The following OBI1 variants were observed in gnomAD, a reference collection of about 807,000 sequenced individuals.
OBI1 encodes ORC ubiquitin ligase 1.
In OBI1, 59 loss-of-function variants were observed where a neutral mutation model predicts 62.4. The ratio of observed to expected loss-of-function variants is 0.95; its 90% confidence interval spans 0.77 to 1.17. OBI1 has a LOEUF of 1.17. OBI1 is among the 50% of genes most tolerant of loss of function. OBI1 has a pLI of 0.00. For synonymous variants in OBI1, 302 were observed against 292.8 expected (o/e 1.03, Z -0.32); for missense variants, 875 against 830.9 (o/e 1.05, Z -0.65).
At chr13:78,620,632 C>T (rs1373035523) in intron 5 of OBI1, 1 of 456,546 alleles carries the variant, frequency 2.2e-6, no homozygotes, top group South Asian at 1.5e-5. Context: ...GAAAAGGATG[C>T]CAGTTCCCCT....
At chr13:78,629,158 A>G (rs989619252) in intron 5 of OBI1, among the ~76,000 whole-genome samples, 7 of 152,164 alleles carry the variant, frequency 4.6e-5, no homozygotes, top group Middle Eastern at 6.8e-3. Flanking sequence ...TCCTCCCCCA[A>G]AAGGAGCTGA....
chr13:78,624,874 T>C (rs936817030), intron 5 of OBI1, among the ~76,000 whole-genome samples: 1 of 152,188 alleles, frequency 6.6e-6, no homozygotes, highest in Non-Finnish European at 1.5e-5. Flanking sequence ...AAACTGCAAC[T>C]AGTTAGCCTC....
In OBI1 at chr13:78,646,581, A is replaced by G. The variant is rs1306664998; in HGVS notation, c.73-1584T>C. On this transcript the variant is annotated intron_variant, in intron 1 of 5. Transcript: ENST00000282003. ...TTTCAATATTTCCCTAATAGTAATT[A>G]CAGTATAGAACCCTTCTGCACTAGG... 2.0e-5 allele frequency among the ~76,000 whole-genome samples: 3 copies of G among 152,216 alleles called. No homozygotes were observed. The East Asian group carries it at 5.8e-4, about 29-fold the overall frequency.
intron 3 of OBI1, among the ~76,000 whole-genome samples, chr13:78,640,443 A>AT (rs1876178723): frequency 6.6e-6 from 1 of 152,090 alleles, no homozygotes; most frequent in South Asian, 2.1e-4. Flanking sequence ...ATATATATTT[A>AT]TTTTTTTAAT....
intron 2 of OBI1, among the ~76,000 whole-genome samples, chr13:78,643,259 C>A (rs1377641547): frequency 6.6e-6 from 1 of 152,054 alleles, no homozygotes; most frequent in Non-Finnish European, 1.5e-5. Flanking sequence ...ATATTCAAAT[C>A]ATCAAAGCTC....
chr13:78,631,206 G>A (rs1229783057), intron 5 of OBI1, among the ~76,000 whole-genome samples: 6 of 152,010 alleles, frequency 3.9e-5, no homozygotes, highest in Non-Finnish European at 7.4e-5. Flanking sequence ...GAGCAGCATG[G>A]GAGCCAGAAT....
intron 2 of OBI1, among the ~76,000 whole-genome samples, chr13:78,643,743 G>A (rs1876291536): frequency 6.6e-6 from 1 of 151,758 alleles, no homozygotes; most frequent in Admixed American, 6.6e-5. Context: ...AGCCGAGAAC[G>A]CGCCACTGCA....
chr13:78,638,753 G>C, intron 4 of OBI1, 70 bp downstream of exon 4: 1 of 1,334,008 alleles, frequency 7.5e-7, no homozygotes, highest in Non-Finnish European at 1.0e-6. Context: ...AAGATAATAT[G>C]GCTATTTATG....
intron 4 of OBI1, 50 bp downstream of exon 4, chr13:78,638,773 G>T (rs759832402): frequency 2.0e-6 from 3 of 1,502,524 alleles, no homozygotes; most frequent in Non-Finnish European, 2.7e-6. Flanking sequence ...GCTTTTGAAG[G>T]TACTTATTTT....
intron 3 of OBI1, among the ~76,000 whole-genome samples, chr13:78,641,235 C>G (rs992580232): frequency 2.0e-5 from 3 of 152,104 alleles, no homozygotes; most frequent in African/African-American, 7.2e-5. Flanking sequence ...TTAAATGTCA[C>G]ACAGATAGTA....
intron 2 of OBI1, among the ~76,000 whole-genome samples, chr13:78,642,666 C>T (rs188593440): frequency 1.4e-3 from 208 of 152,290 alleles, no homozygotes; most frequent in Non-Finnish European, 2.3e-3. Flanking sequence ...GGGCGGATCA[C>T]GAGGCCAGGA....
Position 78,615,969 on chromosome 13 carries a change from T to C in OBI1, c.1792A>G (p.Asn598Asp), listed in dbSNP as rs1472175135. 1 of 1,613,794 alleles carries C rather than the reference T, an allele frequency of 6.2e-7. No individual in the cohort carries two copies. Among genetic ancestry groups the C allele is most frequent in the South Asian group, 1.1e-5 (1 of 91,018 alleles). ...ELNLSKGSLTNDQLENGSEWK... is the reference protein window; with the variant it reads ...ELNLSKGSLTDDQLENGSEWK... ...TCACTTCCATTTTCTAACTGATCAT[T>C]AGTTAGAGAACCTTTGGAAAGGTTT... The change falls in exon 6 of 6, where the codon AAT (asparagine) becomes GAT (aspartate). Residue 598 changes from asparagine to aspartate, a missense_variant. By Grantham distance (23) the Asn-to-Asp change is conservative (BLOSUM62 1). Transcript: ENST00000282003.
intron 5 of OBI1, among the ~76,000 whole-genome samples, chr13:78,633,449 G>A (rs1875998868): frequency 6.6e-6 from 1 of 152,102 alleles, no homozygotes. Context: ...CAAGCAGAGA[G>A]CTATTTCTGG....
rs556335286 is a variant in OBI1 at position 78,617,834 on chromosome 13, CA to C, written c.639-713del. Among the ~76,000 whole-genome samples, 100 of 148,256 alleles carry C rather than the reference CA, an allele frequency of 6.7e-4. 1 individual carries two copies. The highest frequency in any genetic ancestry group is 9.8e-4 in the African/African-American group (40 of 40,690). ...GTGCTTGTGATTCCAATATACTAGG[CA>C]AAAAAAAAAATTTTTTTGTACACTT... On this transcript the variant is annotated intron_variant, in intron 5 of 5. Coordinates refer to ENST00000282003, the MANE Select transcript of OBI1 (RefSeq NM_024546.4).
At chr13:78,628,837 G>A (rs536609629) in intron 5 of OBI1, among the ~76,000 whole-genome samples, 1 of 152,050 alleles carries the variant, frequency 6.6e-6, no homozygotes, top group Non-Finnish European at 1.5e-5. Flanking sequence ...GTTAATTTGA[G>A]GTATAGAATC....
chr13:78,637,774 T>A (rs1876073370), intron 4 of OBI1, among the ~76,000 whole-genome samples: 2 of 152,324 alleles, frequency 1.3e-5, no homozygotes, highest in South Asian at 4.1e-4. Context: ...GTCTGTAGTT[T>A]CTTTTTTATC....
chr13:78,635,162 C>A lies in OBI1; in HGVS notation c.586G>T (p.Val196Leu), dbSNP rs1461177559. The change falls in exon 5 of 6, where the codon GTG (valine) becomes TTG (leucine). Residue 196 changes from valine (V) to leucine (L), a missense_variant. Transcript: ENST00000282003. ...GCCTTCAGTCGTAAATTCTCCCTCA[C>A]CAGACCACCATTTTCCAATTTCAAT... ...KKLKLENGGLVRENLRLKAEV... is the reference protein window; with the variant it reads ...KKLKLENGGLLRENLRLKAEV... The A allele has an allele frequency of 6.2e-7, 1 of 1,610,178 alleles. No homozygotes were observed. Among genetic ancestry groups the A allele is most frequent in the South Asian group, 1.1e-5 (1 of 90,448 alleles).
At chr13:78,643,170 T>C (rs562424097) in intron 2 of OBI1, among the ~76,000 whole-genome samples, 4 of 152,344 alleles carry the variant, frequency 2.6e-5, no homozygotes, top group Admixed American at 6.5e-5. Context: ...ACTATTTTCC[T>C]TGAGAGAATT....
chr13:78,641,923 A>T (rs1876228258), intron 3 of OBI1, among the ~76,000 whole-genome samples, 199 bp downstream of exon 3: 1 of 151,982 alleles, frequency 6.6e-6, no homozygotes, highest in Admixed American at 6.5e-5. Context: ...AAGAAAAAAA[A>T]TAAAACAAAA....
Sources: gnomAD v4.1 joint callset for allele counts (sites outside exome capture counted in the v4.1 genomes callset) on GRCh38, gnomAD v4.1.1 for gene constraint, MANE v1.5 for transcripts, NCBI Gene and HGNC (gene_info 2026-07-23, HGNC 2026-07-21) for gene names.